PRAMEF17: variants seen among roughly 807,000 people sequenced by gnomAD.
The protein encoded by PRAMEF17 is PRAME family member 17.
PRAMEF17 carries 48 observed loss-of-function variants against 36.8 expected under a neutral mutation model. The ratio of observed to expected loss-of-function variants is 1.30; its 90% CI spans 1.03 to 1.66. The LOEUF is 1.66. Among genes scored for constraint, PRAMEF17 ranks in the 40% most tolerant of loss-of-function variants. PRAMEF17 has a pLI of 0.00. For missense variants in PRAMEF17, 639 were observed against 560.6 expected, an observed-to-expected ratio of 1.14 and a Z score of -1.41; for synonymous variants, 246 against 220.4, an observed-to-expected ratio of 1.12 and a Z score of -1.03.
In PRAMEF17 at chr1:13,391,996, G is replaced by A. The variant is rs1267885716; in HGVS notation, c.919G>A (p.Asp307Asn). 1.2e-6 allele frequency: 2 copies of A among 1,611,796 alleles called. No individual in the cohort carries two copies. The change falls in exon 3 of 3, where the codon GAT (aspartate) becomes AAT (asparagine). Residue 307 changes from aspartate (D) to asparagine (N), a missense_variant. Physicochemically the swap from Asp to Asn is conservative, Grantham distance 23. Transcript: ENST00000376098. ...TATATTCTGTCATGCTTACCTAGCT[G>A]ATCAGGACATGGAGTGTCTGTCTCA... ...TFIFCHAYLA[D>N]QDMECLSQYP...
At position 13,390,020 on chromosome 1, in the gene PRAMEF17, G is replaced by A. The variant is rs1640858892; in HGVS notation, c.287+76G>A. Reference sequence around the variant, plus strand: ...GGACAGCTGGCTCAGGAGGAGTGGTGGGGTTGGGGAGCTAGGGTGGCTCAG... The same window carrying A: ...GGACAGCTGGCTCAGGAGGAGTGGTAGGGTTGGGGAGCTAGGGTGGCTCAG... On this transcript the variant is annotated intron_variant, in intron 1 of 2. Transcript: ENST00000376098. 3 of 1,606,410 alleles carry A rather than the reference G, an allele frequency of 1.9e-6. No individual in the cohort carries two copies. In the East Asian group the frequency reaches 6.7e-5, roughly 36 times the overall value.
Position 13,392,554 on chromosome 1 carries a change from T to TA in PRAMEF17, c.*56dup. On this transcript the variant is annotated 3_prime_UTR_variant, in exon 3 of 3. Transcript: ENST00000376098. ...TGCTTTCTTCAGGACCCTTAGGCAC[T>TA]AAAATCTAGGACACAGGTGGGTTTT... 1 of 1,607,738 alleles carries TA rather than the reference T, an allele frequency of 6.2e-7. No individual in the cohort carries two copies. The highest frequency in any genetic ancestry group is 8.5e-7 in the Non-Finnish European group (1 of 1,178,454).
At chr1:13,391,890 C>A (rs1232030435) in intron 2 of PRAMEF17, 54 bp from the exon 3 acceptor site, 3 of 1,596,392 alleles carry the variant, frequency 1.9e-6, no homozygotes, top group Non-Finnish European at 1.7e-6. Context: ...TGATTTCCCA[C>A]CCCCCTCCTC....
intron 1 of PRAMEF17, 127 bp downstream of exon 1, chr1:13,390,071 A>C (rs145572968): frequency 6.9e-7 from 1 of 1,440,368 alleles, no homozygotes; most frequent in African/African-American, 1.4e-5. Flanking sequence ...CCCATGAGAG[A>C]CCTTGACCAT....
chr1:13,391,130 C>T (rs1440055789), intron 2 of PRAMEF17, among the ~76,000 whole-genome samples: 6 of 152,126 alleles, frequency 3.9e-5, no homozygotes, highest in Admixed American at 3.3e-4. Context: ...AGGGATGGCC[C>T]GGGGCAGATG....
intron 2 of PRAMEF17, among the ~76,000 whole-genome samples, chr1:13,391,508 C>T (rs1445773548): frequency 1.3e-5 from 2 of 152,168 alleles, no homozygotes; most frequent in Non-Finnish European, 2.9e-5. Flanking sequence ...GTCAGGGAAT[C>T]TTTGCAGGCA....
rs1640870153 is a variant in PRAMEF17, at chr1:13,390,776, C to T, written c.723C>T (p.Phe241=). 1.9e-5 allele frequency: 31 copies of T among 1,611,848 alleles called. No individual in the cohort carries two copies. The highest frequency in any genetic ancestry group is 2.2e-4 in the Middle Eastern group (1 of 4,452). Residue 241 remains phenylalanine, a synonymous_variant, in exon 2 of 3, where the codon TTC becomes TTT. Transcript: ENST00000376098. ...ATCTTCGCAAACTCTTTTTAGCCTT[C>T]GGTTATGACGATGAGTTATATGTAA... The part of the protein sequence containing the change: ...MSNLRKLFLA[F]GYDDELYVSG...
intron 2 of PRAMEF17, 151 bp downstream of exon 2, chr1:13,391,070 G>T: frequency 1.6e-6 from 2 of 1,264,164 alleles, no homozygotes; most frequent in East Asian, 4.7e-5. Flanking sequence ...ATGCTGTTCA[G>T]TGCTCTATAT....
In PRAMEF17 at chr1:13,390,753, C is replaced by T; in HGVS notation, c.700C>T (p.Leu234Phe). Residue 234 changes from leucine (L) to phenylalanine (F), a missense_variant, in exon 2 of 3, where the codon CTT (leucine) becomes TTT (phenylalanine). Coordinates refer to ENST00000376098, the MANE Select transcript of PRAMEF17 (RefSeq NM_001099851.3). The part of the protein sequence containing the change: ...FAPYLSQMSN[L>F]RKLFLAFGYD... ...CCCTTACTTGAGCCAGATGAGCAAT[C>T]TTCGCAAACTCTTTTTAGCCTTCGG... 2 of 1,612,002 alleles carry T rather than the reference C, an allele frequency of 1.2e-6. No homozygotes were observed. The highest frequency in any genetic ancestry group is 8.5e-7 in the Non-Finnish European group (1 of 1,179,866).
Position 13,390,581 on chromosome 1 carries a change from T to C in PRAMEF17, c.528T>C (p.Gly176=), listed in dbSNP as rs775840641. The C allele has an allele frequency of 6.2e-6, 10 of 1,611,820 alleles. No individual in the cohort carries two copies. In the East Asian group the frequency reaches 6.7e-5, roughly 11 times the overall value. ...YLCRWIHYRR[G]LVHLCCNKVQ... is the part of the protein sequence containing the mutation. Reference sequence around the variant, plus strand: ...GCAGGTGGATCCACTACAGAAGAGGTCTAGTGCACCTGTGTTGTAATAAGG... The same window carrying C: ...GCAGGTGGATCCACTACAGAAGAGGCCTAGTGCACCTGTGTTGTAATAAGG... Residue 176 remains glycine (G), a synonymous_variant, in exon 2 of 3, where the codon GGT becomes GGC. Coordinates refer to ENST00000376098, the MANE Select transcript of PRAMEF17 (RefSeq NM_001099851.3).
chr1:13,391,501 A>G (rs1441758108), intron 2 of PRAMEF17, among the ~76,000 whole-genome samples: 1 of 152,166 alleles, frequency 6.6e-6, no homozygotes. Context: ...CGGGCATGTC[A>G]GGGAATCTTT....
At position 13,390,763 on chromosome 1, in the gene PRAMEF17, T is replaced by G; in HGVS notation, c.710T>G (p.Leu237Arg). Residue 237 changes from leucine (L) to arginine (R), a missense_variant, in exon 2 of 3, where the codon CTC becomes CGC. By Grantham distance (102) the Leu-to-Arg change is moderately radical (BLOSUM62 -2). Transcript: ENST00000376098. ...YLSQMSNLRK[L>R]FLAFGYDDEL... is the part of the protein sequence containing the mutation. ...AGCCAGATGAGCAATCTTCGCAAAC[T>G]CTTTTTAGCCTTCGGTTATGACGAT... The G allele has an allele frequency of 6.2e-7, 1 of 1,611,982 alleles. No individual in the cohort carries two copies. Among genetic ancestry groups the G allele is most frequent in the South Asian group, 1.1e-5 (1 of 90,992 alleles).
Position 13,390,674 on chromosome 1 carries a change from C to T in PRAMEF17, c.621C>T (p.Ile207=). Residue 207 remains isoleucine (I), a synonymous_variant, in exon 2 of 3, where the codon ATC becomes ATT. Coordinates refer to ENST00000376098, the MANE Select transcript of PRAMEF17 (RefSeq NM_001099851.3). ...NLLKRVYPDS[I]QELEIKRKCS... ...TGAAAAGGGTATACCCAGACAGTATCCAGGAGTTGGAAATTAAGAGAAAGT... is the reference window on the plus strand; with the variant it reads ...TGAAAAGGGTATACCCAGACAGTATTCAGGAGTTGGAAATTAAGAGAAAGT... 2 of 1,611,920 alleles carry T rather than the reference C, an allele frequency of 1.2e-6. No homozygotes were observed. The highest frequency in any genetic ancestry group is 2.2e-5 in the East Asian group (1 of 44,880).
rs2100404528 is a variant in PRAMEF17, at chr1:13,389,633, A to G, written c.-25A>G. The G allele has an allele frequency of 6.2e-7, 1 of 1,611,852 alleles. No individual in the cohort carries two copies. Among genetic ancestry groups the G allele is most frequent in the Non-Finnish European group, 8.5e-7 (1 of 1,179,820 alleles). On this transcript the variant is annotated 5_prime_UTR_variant, in exon 1 of 3. Coordinates refer to ENST00000376098, the MANE Select transcript of PRAMEF17 (RefSeq NM_001099851.3). ...GCCTTTTCACTGGATTGTCCTCTAG[A>G]GTTTTTCACTGGAGATTTGTCAGAA...
rs1206895279 is a variant in PRAMEF17, at chr1:13,390,818, C to T, written c.765C>T (p.Phe255=). 35 of 1,611,912 alleles carry T rather than the reference C, an allele frequency of 2.2e-5. No individual in the cohort carries two copies. Among genetic ancestry groups the T allele is most frequent in the African/African-American group, 6.7e-5 (5 of 74,870 alleles). ...DELYVSGQQQ[F]VPDLDCPFLC... ...TATATGTAAGCGGCCAACAGCAGTT[C>T]GTTCCTGACTTGGACTGTCCATTCC... The change falls in exon 2 of 3, where the codon TTC becomes TTT. Residue 255 remains phenylalanine, a synonymous_variant. Coordinates refer to ENST00000376098, the MANE Select transcript of PRAMEF17 (RefSeq NM_001099851.3).
rs1370155854 is a variant in PRAMEF17 at position 13,389,750 on chromosome 1, G to A, written c.93G>A (p.Leu31=). ...QFLTIFILDE[L]PREVFPLMFM... ...TGACCATCTTCATCCTGGACGAGCT[G>A]CCCAGGGAGGTCTTCCCTCTGATGT... The change falls in exon 1 of 3, where the codon CTG becomes CTA. Residue 31 remains leucine (L), a synonymous_variant. Transcript: ENST00000376098. The A allele has an allele frequency of 1.9e-5, 30 of 1,612,288 alleles. No individual in the cohort carries two copies. In the African/African-American group the frequency reaches 3.9e-4, roughly 21 times the overall value.
rs540630583 is a variant in PRAMEF17, at chr1:13,392,330, G to A, written c.1253G>A (p.Cys418Tyr). 32 of 1,611,976 alleles carry A rather than the reference G, an allele frequency of 2.0e-5. No homozygotes were observed. In the East Asian group the frequency reaches 4.0e-4, roughly 20 times the overall value. ...GLELYPAPLE[C>Y]LDNRGHVNWE... Reference sequence around the variant, plus strand: ...GAGTTGTATCCTGCCCCTCTGGAGTGTCTTGACAACAGGGGTCATGTCAAT... The same window carrying A: ...GAGTTGTATCCTGCCCCTCTGGAGTATCTTGACAACAGGGGTCATGTCAAT... The change falls in exon 3 of 3, where the codon TGT (cysteine) becomes TAT (tyrosine). Residue 418 changes from cysteine to tyrosine, a missense_variant. Transcript: ENST00000376098.
intron 1 of PRAMEF17, 122 bp downstream of exon 1, chr1:13,390,066 G>A (rs1379017675): frequency 4.6e-5 from 69 of 1,484,274 alleles, no homozygotes; most frequent in Non-Finnish European, 6.4e-5. Context: ...TGGTGCCCAT[G>A]AGAGACCTTG....
chr1:13,392,313 T>A lies in PRAMEF17; in HGVS notation c.1236T>A (p.Tyr412Ter). The A allele has an allele frequency of 6.2e-7, 1 of 1,611,990 alleles. No homozygotes were observed. Among genetic ancestry groups the A allele is most frequent in the Non-Finnish European group, 8.5e-7 (1 of 1,179,856 alleles). The change falls in exon 3 of 3, where the codon TAT becomes TAA. Residue 412 changes from tyrosine (Y) to a stop codon, truncating the protein, a stop_gained. Transcript: ENST00000376098. LOFTEE classifies it high-confidence loss of function. ...TGAGCAAGTTAGGTCTGGAGTTGTA[T>A]CCTGCCCCTCTGGAGTGTCTTGACA... is the stretch of plus-strand genomic sequence containing the variant. ...GGLSKLGLEL[Y>*]PAPLECLDNR...
Sources: allele counts gnomAD v4.1 joint callset (sites outside exome capture counted in the v4.1 genomes callset), GRCh38; gene constraint gnomAD v4.1.1; transcripts MANE v1.5; gene names NCBI Gene and HGNC (gene_info 2026-07-23, HGNC 2026-07-21).